The following ADNP2 variants were observed in gnomAD, a reference collection of about 807,000 sequenced individuals.
The protein encoded by ADNP2 is ADNP homeobox 2.
ADNP2 carries 8 observed loss-of-function variants against 16.4 expected under a neutral mutation model. That is an observed-to-expected ratio of 0.49 (90% CI 0.29 to 0.88). The LOEUF is 0.88. Ranked by LOEUF, ADNP2 falls within the 40% of genes least tolerant of loss-of-function variation. The pLI is 0.09. For missense variants in ADNP2, 1,397 were observed against 1,395.1 expected (o/e 1.00, Z -0.02); for synonymous variants, 637 against 545.8 (o/e 1.17, Z -2.33).
intron 2 of ADNP2, among the ~76,000 whole-genome samples, chr18:80,120,478 CAT>C (rs2052417325): frequency 6.6e-6 from 1 of 151,812 alleles, no homozygotes; most frequent in Non-Finnish European, 1.5e-5. Context: ...ACTATAGGTG[CAT>C]ACCACCACAC....
At chr18:80,118,160 C>G (rs1314582905) in intron 2 of ADNP2, among the ~76,000 whole-genome samples, 4 of 152,122 alleles carry the variant, frequency 2.6e-5, no homozygotes, top group Non-Finnish European at 5.9e-5. Flanking sequence ...CATGGTGGCT[C>G]ACGCCTGTAA....
At chr18:80,127,642 A>C (rs951437416) in intron 2 of ADNP2, among the ~76,000 whole-genome samples, 6 of 152,074 alleles carry the variant, frequency 3.9e-5, no homozygotes, top group African/African-American at 1.4e-4. Context: ...TTTTGACTAC[A>C]CACTGGACAT....
intron 1 of ADNP2, chr18:80,110,113 C>T (rs929471767): frequency 3.9e-5 from 6 of 152,262 alleles, no homozygotes; most frequent in African/African-American, 1.4e-4. Context: ...CCTGTTTCTT[C>T]ATCGTTGAGC....
At chr18:80,117,445 A>G in intron 1 of ADNP2, 85 bp from the exon 2 acceptor site, 1 of 724,272 alleles carries the variant, frequency 1.4e-6, no homozygotes. Flanking sequence ...CTCTATTCCT[A>G]GTGTTTTACC....
chr18:80,136,564 C>T lies in ADNP2; in HGVS notation c.1151C>T (p.Ser384Phe). The change falls in exon 4 of 4, where the codon TCT (serine) becomes TTT (phenylalanine). Residue 384 changes from serine to phenylalanine, a missense_variant. This residue lies in a region of ADNP2 where 777 missense variants were observed against 719.4 expected (regional missense o/e 1.08). Coordinates refer to ENST00000262198, the MANE Select transcript of ADNP2 (RefSeq NM_014913.4). Reference protein sequence around the residue: ...LSQPVGPVNKSVGTSVLPINQ... With the variant: ...LSQPVGPVNKFVGTSVLPINQ... ...CAGCCAGTCGGACCTGTCAATAAGT[C>T]TGTTGGAACTAGTGTCCTCCCCATA... The T allele has an allele frequency of 6.2e-7, 1 of 1,614,214 alleles. No homozygotes were observed. Among genetic ancestry groups the T allele is most frequent in the Non-Finnish European group, 8.5e-7 (1 of 1,180,036 alleles).
Position 80,137,315 on chromosome 18 carries a change from C to T in ADNP2, c.1902C>T (p.Val634=), listed in dbSNP as rs751237354. 13 of 1,613,956 alleles carry T rather than the reference C, an allele frequency of 8.1e-6. No individual in the cohort carries two copies. The East Asian group carries it at 8.9e-5, about 11-fold the overall frequency. ...LPVPPGGLAT[V]APPQMPIQLL... is the part of the protein sequence containing the mutation. ...TTCCCCCTGGAGGCCTTGCGACTGT[C>T]GCTCCGCCCCAGATGCCCATCCAGC... The change falls in exon 4 of 4, where the codon GTC becomes GTT. Residue 634 remains valine (V), a synonymous_variant. Transcript: ENST00000262198. The surrounding 1 kb of genome is among the most constrained non-coding windows in gnomAD (Gnocchi z 4.2).
At chr18:80,115,492 A>G (rs1297621174) in intron 1 of ADNP2, among the ~76,000 whole-genome samples, 10 of 152,168 alleles carry the variant, frequency 6.6e-5, no homozygotes, top group South Asian at 2.1e-4. Flanking sequence ...CACACTCTCA[A>G]ACTATCTCTA....
chr18:80,131,521 A>G (rs1043573747), intron 2 of ADNP2, among the ~76,000 whole-genome samples: 14 of 152,122 alleles, frequency 9.2e-5, no homozygotes, highest in African/African-American at 3.1e-4. Flanking sequence ...TGGATTGAAC[A>G]ATAGCGGTAA....
At chr18:80,110,493 G>T (rs2052350797) in intron 1 of ADNP2, among the ~76,000 whole-genome samples, 1 of 152,138 alleles carries the variant, frequency 6.6e-6, no homozygotes, top group African/African-American at 2.4e-5. Flanking sequence ...GCAGTTTGTA[G>T]AGTACTGTGG....
chr18:80,136,838 T>C lies in ADNP2; in HGVS notation c.1425T>C (p.Val475=). ...VIPGQTATSG[V]LPTGQMVQSG... Reference sequence around the variant, plus strand: ...CTGGGCAAACAGCAACTTCTGGGGTTCTTCCTACTGGCCAGATGGTCCAGT... The same window carrying C: ...CTGGGCAAACAGCAACTTCTGGGGTCCTTCCTACTGGCCAGATGGTCCAGT... The change falls in exon 4 of 4, where the codon GTT becomes GTC. Residue 475 remains valine, a synonymous_variant. Coordinates refer to ENST00000262198, the MANE Select transcript of ADNP2 (RefSeq NM_014913.4). The C allele has an allele frequency of 6.2e-7, 1 of 1,614,032 alleles. No individual in the cohort carries two copies. The highest frequency in any genetic ancestry group is 8.5e-7 in the Non-Finnish European group (1 of 1,179,950).
chr18:80,121,768 T>G (rs559881633), intron 2 of ADNP2, among the ~76,000 whole-genome samples: 119 of 152,358 alleles, frequency 7.8e-4, no homozygotes, highest in Non-Finnish European at 1.6e-3. Context: ...TTCAGTCGTT[T>G]CAGCACCGTT....
chr18:80,119,558 G>C (rs961636760), intron 2 of ADNP2, among the ~76,000 whole-genome samples: 7 of 152,164 alleles, frequency 4.6e-5, no homozygotes, highest in African/African-American at 1.7e-4. Context: ...CTGCCTTCTT[G>C]TAAGATTTAC....
chr18:80,134,437 G>A (rs1259370281), intron 3 of ADNP2, among the ~76,000 whole-genome samples: 1 of 151,100 alleles, frequency 6.6e-6, no homozygotes, highest in Admixed American at 6.6e-5. Context: ...GTGATAATGA[G>A]CACACAGATT....
rs1555731159 is a variant in ADNP2, at chr18:80,138,815, G to GC, written c.*7dup. 6 of 1,166,358 alleles carry GC rather than the reference G, an allele frequency of 5.1e-6. No individual in the cohort carries two copies. Among genetic ancestry groups the GC allele is most frequent in the Non-Finnish European group, 4.3e-6 (4 of 924,402 alleles). 72.3% of individuals were successfully genotyped at this position (1,166,358 alleles called of 1,614,324 possible). A position where few individuals can be genotyped will look rare whatever the true frequency, so the allele number is the denominator to read the frequency against. On this transcript the variant is annotated 3_prime_UTR_variant, in exon 4 of 4. Transcript: ENST00000262198. ...ACTTTGAATATGAACCATAAAACTT[G>GC]CAAAAAAAAAAAAAAGTAACTCTAA...
At position 80,136,564 on chromosome 18, in the gene ADNP2, C is replaced by G; in HGVS notation, c.1151C>G (p.Ser384Cys). The G allele has an allele frequency of 6.2e-7, 1 of 1,614,214 alleles. No individual in the cohort carries two copies. Among genetic ancestry groups the G allele is most frequent in the Non-Finnish European group, 8.5e-7 (1 of 1,180,036 alleles). ...LSQPVGPVNKSVGTSVLPINQ... is the reference protein window; with the variant it reads ...LSQPVGPVNKCVGTSVLPINQ... ...CAGCCAGTCGGACCTGTCAATAAGT[C>G]TGTTGGAACTAGTGTCCTCCCCATA... The change falls in exon 4 of 4, where the codon TCT becomes TGT. Residue 384 changes from serine to cysteine, a missense_variant. This residue lies in a region of ADNP2 where 777 missense variants were observed against 719.4 expected (regional missense o/e 1.08). Coordinates refer to ENST00000262198, the MANE Select transcript of ADNP2 (RefSeq NM_014913.4).
At chr18:80,132,784 A>T (rs796102984) in intron 2 of ADNP2, among the ~76,000 whole-genome samples, 2 of 147,982 alleles carry the variant, frequency 1.4e-5, no homozygotes, top group African/African-American at 5.0e-5. Context: ...CCCAGGCTTG[A>T]GTGCAGCTCA....
chr18:80,113,942 G>T (rs377124319), intron 1 of ADNP2, among the ~76,000 whole-genome samples: 2 of 152,126 alleles, frequency 1.3e-5, no homozygotes, highest in South Asian at 4.2e-4. Context: ...TGTAATCCCC[G>T]TACTTTGAGA....
chr18:80,112,818 G>A (rs1447283687), intron 1 of ADNP2, among the ~76,000 whole-genome samples: 1 of 152,196 alleles, frequency 6.6e-6, no homozygotes, highest in Admixed American at 6.5e-5. Context: ...GATAAGATCA[G>A]CTCTGGCTGT....
chr18:80,109,481 G>A lies in ADNP2; in HGVS notation c.-14+9G>A, dbSNP rs1035273065. 4 of 147,880 alleles carry A rather than the reference G, an allele frequency of 2.7e-5. 1 individual carries two copies. Among genetic ancestry groups the A allele is most frequent in the Non-Finnish European group, 4.5e-5 (3 of 66,340 alleles). The allele number at this position is 147,880 out of a possible 1,614,324, so 9.2% of individuals were successfully genotyped here. On this transcript the variant is annotated intron_variant, in intron 1 of 3. Transcript: ENST00000262198. ...TCCTCGGGCGCCAAGCGGTAGGTAC[G>A]GCCCGGCCCGGCGCGGGCCCGCGCG...
Sources: allele counts gnomAD v4.1 joint callset (sites outside exome capture counted in the v4.1 genomes callset), GRCh38; gene constraint gnomAD v4.1.1; regional missense constraint gnomAD v4.1.1; non-coding constraint Gnocchi (gnomAD v3.1); transcripts MANE v1.5; gene names NCBI Gene and HGNC (gene_info 2026-07-23, HGNC 2026-07-21).